TRHDE: variants seen among roughly 807,000 people sequenced by gnomAD.
TRHDE encodes the protein thyrotropin releasing hormone degrading enzyme, also known as thyrotropin-releasing hormone-degrading ectoenzyme.
Under a neutral mutation model 125.7 loss-of-function variants are expected in TRHDE, and 72 were observed. The ratio of observed to expected loss-of-function variants is 0.57; its 90% CI spans 0.47 to 0.70. TRHDE has a LOEUF of 0.70. TRHDE is among the 30% of genes least tolerant of loss of function. TRHDE has a pLI of 0.00. For missense variants in TRHDE, 1,110 were observed against 1,327.1 expected, an observed-to-expected ratio of 0.84 and a Z score of 2.54; for synonymous variants, 509 against 509.1, an observed-to-expected ratio of 1.00 and a Z score of 0.00.
chr12:72,548,927 T>C (rs1171091843), intron 7 of TRHDE, among the ~76,000 whole-genome samples: 1 of 151,736 alleles, frequency 6.6e-6, no homozygotes, highest in Admixed American at 6.6e-5. Context: ...CTGTCAGAAA[T>C]TGAGTCACCT....
chr12:72,434,170 A>G (rs1384544349), intron 3 of TRHDE, among the ~76,000 whole-genome samples: 4 of 152,026 alleles, frequency 2.6e-5, no homozygotes, highest in African/African-American at 9.7e-5. Context: ...AGATCACTTA[A>G]AGTCAGGAGT....
At chr12:72,131,548 G>A (rs746200805) in intron 2 of TRHDE, among the ~76,000 whole-genome samples, 8 of 151,898 alleles carry the variant, frequency 5.3e-5, no homozygotes, top group Non-Finnish European at 1.2e-4. Context: ...ATTCACATGA[G>A]CTTTCATAAG....
intron 2 of TRHDE, among the ~76,000 whole-genome samples, chr12:72,250,280 T>A (rs1346416517): frequency 6.6e-6 from 1 of 152,192 alleles, no homozygotes; most frequent in Non-Finnish European, 1.5e-5. Context: ...TGTTTTTTAT[T>A]GCATAGTATA....
intron 1 of TRHDE, among the ~76,000 whole-genome samples, chr12:72,275,247 C>T (rs1198807191): frequency 6.6e-6 from 1 of 152,136 alleles, no homozygotes; most frequent in Non-Finnish European, 1.5e-5. Context: ...GTGTAAGAGG[C>T]TGGGGAAATT....
intron 5 of TRHDE, among the ~76,000 whole-genome samples, chr12:72,492,654 C>A (rs1199294439): frequency 6.6e-6 from 1 of 151,836 alleles, no homozygotes; most frequent in Non-Finnish European, 1.5e-5. Flanking sequence ...AAAACACCAA[C>A]TGTGCAGTGC....
chr12:72,160,021 CTCT>C (rs1266736559), intron 2 of TRHDE, among the ~76,000 whole-genome samples: 2 of 152,104 alleles, frequency 1.3e-5, no homozygotes, highest in Non-Finnish European at 2.9e-5. Context: ...CCTAATTGTG[CTCT>C]TCTTCTACCA....
At chr12:72,662,270 G>A (rs1874947186) in intron 18 of TRHDE, among the ~76,000 whole-genome samples, 1 of 152,042 alleles carries the variant, frequency 6.6e-6, no homozygotes, top group African/African-American at 2.4e-5. Context: ...AGCTTCTTAA[G>A]ATATATCAAA....
chr12:72,309,386 A>C lies in TRHDE; in HGVS notation c.1188+22432A>C, dbSNP rs777307886. On this transcript the variant is annotated intron_variant, in intron 2 of 18. Transcript: ENST00000261180. ...GTGTTATGTGCTGAATAGAAAAAGC[A>C]GTGGAAAGGGAGATTTTGAAACTAC... 1.6e-4 allele frequency among the ~76,000 whole-genome samples: 25 copies of C among 152,314 alleles called. 1 individual carries two copies. Among genetic ancestry groups the C allele is most frequent in the Admixed American group, 1.1e-3 (17 of 15,292 alleles).
At chr12:72,238,737 G>T (rs1157840056) in intron 2 of TRHDE, among the ~76,000 whole-genome samples, 2 of 151,976 alleles carry the variant, frequency 1.3e-5, no homozygotes, top group Non-Finnish European at 2.9e-5. Context: ...CCTTTTTTAT[G>T]GCCGCATAGT....
chr12:72,101,513 G>A (rs899879962), intron 1 of TRHDE, among the ~76,000 whole-genome samples: 1 of 152,160 alleles, frequency 6.6e-6, no homozygotes, highest in South Asian at 2.1e-4. Flanking sequence ...TTTTGGTTCT[G>A]GAAGGAAATT....
intron 2 of TRHDE, among the ~76,000 whole-genome samples, chr12:72,233,269 GC>G (rs1490678331): frequency 1.3e-5 from 2 of 152,124 alleles, no homozygotes; most frequent in Non-Finnish European, 2.9e-5. Context: ...CAAGAATTAG[GC>G]AAGAGCAGGA....
intron 2 of TRHDE, among the ~76,000 whole-genome samples, chr12:72,347,047 T>C (rs1378475584): frequency 6.6e-6 from 1 of 152,114 alleles, no homozygotes; most frequent in African/African-American, 2.4e-5. Context: ...AGGATGCCAG[T>C]GATACTGGAT....
At chr12:72,480,095 C>T (rs1312992800) in intron 5 of TRHDE, among the ~76,000 whole-genome samples, 3 of 151,368 alleles carry the variant, frequency 2.0e-5, no homozygotes, top group Non-Finnish European at 4.4e-5. Context: ...CAAGTCTTTG[C>T]TATTGTGAAT....
chr12:72,153,030 C>T (rs1222739052), intron 2 of TRHDE, among the ~76,000 whole-genome samples: 1 of 152,084 alleles, frequency 6.6e-6, no homozygotes, highest in Non-Finnish European at 1.5e-5. Flanking sequence ...TGGTCCTGGA[C>T]TTTTTTTGGT....
chr12:72,149,995 T>C (rs1157489441), intron 2 of TRHDE, among the ~76,000 whole-genome samples: 2 of 152,166 alleles, frequency 1.3e-5, no homozygotes, highest in Non-Finnish European at 2.9e-5. Context: ...AGGCACAACA[T>C]ATATGTACCA....
At chr12:72,090,867 T>C (rs944041937) in intron 1 of TRHDE, among the ~76,000 whole-genome samples, 2 of 152,008 alleles carry the variant, frequency 1.3e-5, no homozygotes, top group Non-Finnish European at 2.9e-5. Context: ...GGATTTTTTT[T>C]TTTTTAAGGG....
At chr12:72,516,534 G>C (rs1214909) in intron 6 of TRHDE, among the ~76,000 whole-genome samples, 82,405 of 151,912 alleles carry the variant, frequency 0.54, 26,443 homozygotes, top group South Asian at 0.74. Context: ...TCAGCTTAAG[G>C]AGACTTTGGG....
chr12:72,608,408 C>T (rs754550497), intron 12 of TRHDE, among the ~76,000 whole-genome samples: 1 of 152,124 alleles, frequency 6.6e-6, no homozygotes, highest in Non-Finnish European at 1.5e-5. Flanking sequence ...TATTTGTTTA[C>T]CTGTGTCAAC....
At chr12:72,389,816 A>T (rs78452307) in intron 3 of TRHDE, among the ~76,000 whole-genome samples, 1,682 of 152,278 alleles carry the variant, frequency 0.011, 15 homozygotes, top group Non-Finnish European at 0.015. Flanking sequence ...TTACATTTTT[A>T]AAGAATCACA....
Sources: gnomAD v4.1 joint callset for allele counts (sites outside exome capture counted in the v4.1 genomes callset) on GRCh38, gnomAD v4.1.1 for gene constraint, MANE v1.5 for transcripts, NCBI Gene and HGNC (gene_info 2026-07-23, HGNC 2026-07-21) for gene names.